The following SMTN variants were observed in gnomAD, a reference collection of about 807,000 sequenced individuals.
SMTN encodes smoothelin.
In SMTN, 58 loss-of-function variants were observed where a neutral mutation model predicts 102.0. The observed-to-expected ratio is 0.57, with a 90% confidence interval of 0.46 to 0.71. The LOEUF (loss-of-function observed/expected upper bound fraction) is 0.71, where lower values mean the gene tolerates loss of function less well. SMTN is among the 30% of genes least tolerant of loss of function. SMTN has a pLI of 0.00. For synonymous variants in SMTN, 478 were observed against 497.9 expected (o/e 0.96, Z 0.53); for missense variants, 1,185 against 1,241.7 (o/e 0.95, Z 0.69).
intron 20 of SMTN, 185 bp from the exon 21 acceptor site, chr22:31,104,131 G>A (rs1309109750): frequency 4.7e-6 from 3 of 641,778 alleles, no homozygotes; most frequent in East Asian, 5.5e-5. Flanking sequence ...CCCCCGCCCC[G>A]AGAGATGCCT....
At position 31,096,904 on chromosome 22, in the gene SMTN, G is replaced by T; in HGVS notation, c.2026+7G>T. On this transcript the variant is annotated splice_region_variant and intron_variant, in intron 14 of 20. Coordinates refer to ENST00000333137, the MANE Select transcript of SMTN (RefSeq NM_134269.3). The stretch of plus-strand genomic sequence containing the variant: ...GAGCGGCTCGTCCACTCCAGTAAGG[G>T]GCCAAATGGGGCCGGCCCAGGGCTC... 6.2e-7 allele frequency: 1 copy of T among 1,602,550 alleles called. No individual in the cohort carries two copies. The highest frequency in any genetic ancestry group is 8.5e-7 in the Non-Finnish European group (1 of 1,173,212).
intron 3 of SMTN, 107 bp from the exon 4 acceptor site, chr22:31,088,405 TG>T: frequency 1.0e-6 from 1 of 975,460 alleles, no homozygotes; most frequent in South Asian, 1.5e-5. Context: ...CACAGCCACA[TG>T]CCCTTCTGCC....
At chr22:31,093,826 T>C (rs2043345413) in intron 11 of SMTN, 2 of 1,591,556 alleles carry the variant, frequency 1.3e-6, no homozygotes, top group Non-Finnish European at 1.7e-6. Flanking sequence ...CCCACCTGCC[T>C]TCAGCACCCG....
chr22:31,102,009 C>G (rs570264529), intron 20 of SMTN: 2 of 152,096 alleles, frequency 1.3e-5, no homozygotes, highest in Admixed American at 1.3e-4. Flanking sequence ...GTCAAGAAGT[C>G]TGCCAGGCTC....
intron 16 of SMTN, among the ~76,000 whole-genome samples, chr22:31,097,680 G>T (rs1226589627): frequency 6.6e-6 from 1 of 151,078 alleles, no homozygotes; most frequent in Non-Finnish European, 1.5e-5. Flanking sequence ...CTCCAGTCTG[G>T]GCAACAGAGC....
intron 18 of SMTN, 23 bp downstream of exon 18, chr22:31,099,202 G>A (rs1314308854): frequency 6.5e-7 from 1 of 1,527,538 alleles, no homozygotes; most frequent in East Asian, 2.3e-5. Flanking sequence ...AGGCCAGGGG[G>A]CCTGGAGGCC....
Position 31,089,762 on chromosome 22 carries a change from G to A in SMTN, c.535G>A (p.Gly179Ser). The A allele has an allele frequency of 6.2e-7, 1 of 1,611,914 alleles. No homozygotes were observed. The highest frequency in any genetic ancestry group is 8.5e-7 in the Non-Finnish European group (1 of 1,179,940). ...TTCAAAGCCAACCCCCACCCCTGAA[G>A]GCACCAGCCAGGATGTGACCACAGT... ...EVSKPTPTPE[G>S]TSQDVTTVTL... The change falls in exon 7 of 21, where the codon GGC becomes AGC. Residue 179 changes from glycine to serine, a missense_variant. Gly to Ser is a moderately conservative substitution (Grantham distance 56). This residue lies in a region of SMTN where 1,096 missense variants were observed against 1,112.7 expected (regional missense o/e 0.98). Coordinates refer to ENST00000333137, the MANE Select transcript of SMTN (RefSeq NM_134269.3).
At position 31,095,460 on chromosome 22, in the gene SMTN, A is replaced by G. The variant is rs1351956094; in HGVS notation, c.1785+5A>G. On this transcript the variant is annotated splice_donor_5th_base_variant and intron_variant, in intron 12 of 20. Transcript: ENST00000333137. The surrounding 1 kb of genome is among the most constrained non-coding windows in gnomAD (Gnocchi z 4.1). ...GAAGGAGTCTTGGACAAGATGGTATAGCCAGATCCGGTGGGCTGGGGGTTG... is the reference window on the plus strand; with the variant it reads ...GAAGGAGTCTTGGACAAGATGGTATGGCCAGATCCGGTGGGCTGGGGGTTG... 8 of 1,614,122 alleles carry G rather than the reference A, an allele frequency of 5.0e-6. No homozygotes were observed. In the African/African-American group the frequency reaches 9.3e-5, roughly 19 times the overall value.
Position 31,098,778 on chromosome 22 carries a change from G to T in SMTN, c.2271G>T (p.Lys757Asn), listed in dbSNP as rs1475997307. 6.2e-7 allele frequency: 1 copy of T among 1,613,212 alleles called. No individual in the cohort carries two copies. The highest frequency in any genetic ancestry group is 2.2e-5 in the East Asian group (1 of 44,862). ...TGATGAAGGCGCAGAGTCTGCCCAA[G>T]ACCTCAGCCTCCCAGGCGCGCAAGG... ...KELMKAQSLP[K>N]TSASQARKAM... The change falls in exon 17 of 21, where the codon AAG becomes AAT. Residue 757 changes from lysine to asparagine, a missense_variant. Physicochemically the swap from Lys to Asn is moderately conservative, Grantham distance 94. Transcript: ENST00000333137.
chr22:31,075,139 T>A (rs142792380), intron 1 of SMTN, among the ~76,000 whole-genome samples: 5,344 of 152,232 alleles, frequency 0.035, 116 homozygotes, highest in Non-Finnish European at 0.051. Flanking sequence ...AGTTAGAAAG[T>A]CCTAGGTTTG....
At chr22:31,083,530 T>C (rs761954154) in intron 2 of SMTN, 63 of 526,160 alleles carry the variant, frequency 1.2e-4, no homozygotes, top group Non-Finnish European at 1.6e-4. Flanking sequence ...CTCCCAACCC[T>C]CCACAGCCAC....
intron 1 of SMTN, among the ~76,000 whole-genome samples, chr22:31,069,395 C>T (rs1160974605): frequency 6.6e-6 from 1 of 152,162 alleles, no homozygotes; most frequent in African/African-American, 2.4e-5. Context: ...CCAAAGGAAC[C>T]CAGACCCAGG....
At position 31,099,907 on chromosome 22, in the gene SMTN, G is replaced by A; in HGVS notation, c.2603+11G>A. ...CTTCTCATCTGCGGAGTAAGTGTGG[G>A]CCCTGGCCCTGCTAATGTTGCTGCA... On this transcript the variant is annotated intron_variant, in intron 19 of 20. Transcript: ENST00000333137. The A allele has an allele frequency of 5.0e-6, 8 of 1,612,526 alleles. No homozygotes were observed. The highest frequency in any genetic ancestry group is 6.8e-6 in the Non-Finnish European group (8 of 1,178,948).
At chr22:31,085,507 G>A (rs910295840) in intron 2 of SMTN, among the ~76,000 whole-genome samples, 2 of 152,250 alleles carry the variant, frequency 1.3e-5, no homozygotes, top group African/African-American at 2.4e-5. Flanking sequence ...TCCCAACAGC[G>A]AGGGCAGAGA....
chr22:31,088,773 T>G lies in SMTN; in HGVS notation c.369T>G (p.Ile123Met), dbSNP rs2042899501. The change falls in exon 5 of 21, where the codon ATT (isoleucine) becomes ATG (methionine). Residue 123 changes from isoleucine (I) to methionine (M), a missense_variant. Physicochemically the swap from Ile to Met is conservative, Grantham distance 10. Around this residue, in one of 2 missense-constraint regions of SMTN, gnomAD observed 1,096 missense variants for 1,112.7 expected, o/e 0.98. Coordinates refer to ENST00000333137, the MANE Select transcript of SMTN (RefSeq NM_134269.3). Reference protein sequence around the residue: ...AAIRRVRAQEIEAATLAGRLY... With the variant: ...AAIRRVRAQEMEAATLAGRLY... ...TCCGCCGTGTACGGGCTCAGGAGAT[T>G]GAGGGTATGTGGCCTGTCCCGGCCC... 1 of 1,612,652 alleles carries G rather than the reference T, an allele frequency of 6.2e-7. No individual in the cohort carries two copies. Among genetic ancestry groups the G allele is most frequent in the Middle Eastern group, 1.7e-4 (1 of 6,060 alleles).
rs957389117 is a variant in SMTN, at chr22:31,095,812, CCA to C, written c.1861+204_1861+205del. 3.4e-6 allele frequency: 2 copies of C among 596,332 alleles called. No individual in the cohort carries two copies. The highest frequency in any genetic ancestry group is 3.0e-5 in the Admixed American group (1 of 32,896). 36.9% of individuals were successfully genotyped at this position (596,332 alleles called of 1,614,324 possible). A position where few individuals can be genotyped will look rare whatever the true frequency, so the allele number is the denominator to read the frequency against. Reference sequence around the variant, plus strand: ...AGCTCCTTCTCTCCCGCTGGTGACCCCAGTTATTCTCCCCAACCAGCTTCTCT... The same window carrying C: ...AGCTCCTTCTCTCCCGCTGGTGACCCGTTATTCTCCCCAACCAGCTTCTCT... On this transcript the variant is annotated intron_variant, in intron 13 of 20. Coordinates refer to ENST00000333137, the MANE Select transcript of SMTN (RefSeq NM_134269.3). The surrounding 1 kb of genome is among the most constrained non-coding windows in gnomAD (Gnocchi z 4.1).
At chr22:31,069,090 A>G (rs2041933353) in intron 1 of SMTN, among the ~76,000 whole-genome samples, 1 of 152,180 alleles carries the variant, frequency 6.6e-6, no homozygotes, top group Non-Finnish European at 1.5e-5. Context: ...TGTAAGGTTT[A>G]GGGCAAAACA....
chr22:31,072,548 G>A (rs768718447), intron 1 of SMTN, among the ~76,000 whole-genome samples: 14 of 151,806 alleles, frequency 9.2e-5, no homozygotes, highest in Non-Finnish European at 1.9e-4. Context: ...TGCAACGTCC[G>A]CCTTCCGGGT....
chr22:31,089,600 G>A, intron 6 of SMTN, 99 bp from the exon 7 acceptor site: 1 of 1,143,544 alleles, frequency 8.7e-7, no homozygotes, highest in Non-Finnish European at 1.3e-6. Context: ...ACTCTGCTTT[G>A]CATGCCCTGC....
Sources: gnomAD v4.1 joint callset for allele counts (sites outside exome capture counted in the v4.1 genomes callset) on GRCh38, gnomAD v4.1.1 for gene constraint, gnomAD v4.1.1 regional missense constraint, Gnocchi (gnomAD v3.1) non-coding constraint, MANE v1.5 for transcripts, NCBI Gene and HGNC (gene_info 2026-07-23, HGNC 2026-07-21) for gene names.